BIVM: variants seen among roughly 807,000 people sequenced by gnomAD.
BIVM encodes basic, immunoglobulin-like variable motif containing.
A neutral mutation model predicts 61.4 loss-of-function variants in BIVM; 31 were observed. The observed-to-expected ratio is 0.51, with a 90% CI of 0.38 to 0.68. The LOEUF is 0.68. BIVM is among the 30% of genes least tolerant of loss of function. BIVM has a pLI of 0.00. For missense variants in BIVM, 526 were observed against 596.0 expected (o/e 0.88, Z 1.22); for synonymous variants, 189 against 210.7 (o/e 0.90, Z 0.89).
chr13:102,839,921 G>T lies in BIVM; in HGVS notation c.*56G>T. 6.7e-7 allele frequency: 1 copy of T among 1,500,658 alleles called. No individual in the cohort carries two copies. The highest frequency in any genetic ancestry group is 8.9e-7 in the Non-Finnish European group (1 of 1,123,834). The allele number at this position is 1,500,658 out of a possible 1,614,324, so 93.0% of individuals were successfully genotyped here. A position where few individuals can be genotyped will look rare whatever the true frequency, so the allele number is the denominator to read the frequency against. On this transcript the variant is annotated 3_prime_UTR_variant, in exon 11 of 11. Coordinates refer to ENST00000257336, the MANE Select transcript of BIVM (RefSeq NM_017693.4). ...ATATGAAACTGCTATATACAGGACT[G>T]TATAAAGACAGTAGAAGATTTTAGT...
chr13:102,824,619 T>G (rs1360176665), intron 7 of BIVM, among the ~76,000 whole-genome samples: 2 of 152,214 alleles, frequency 1.3e-5, no homozygotes, highest in Non-Finnish European at 2.9e-5. Context: ...GCTTGGATCT[T>G]GAAGGCAGCC....
At chr13:102,810,702 A>C (rs1879437264) in intron 3 of BIVM, among the ~76,000 whole-genome samples, 1 of 152,182 alleles carries the variant, frequency 6.6e-6, no homozygotes, top group Admixed American at 6.5e-5. Context: ...GGAGTTACAA[A>C]CCAAAGTTAT....
intron 3 of BIVM, among the ~76,000 whole-genome samples, chr13:102,808,499 G>A (rs1171449086): frequency 6.6e-6 from 1 of 151,992 alleles, no homozygotes; most frequent in Non-Finnish European, 1.5e-5. Flanking sequence ...AAACCTTAAT[G>A]CTTCTGCTTG....
At position 102,822,065 on chromosome 13, in the gene BIVM, G is replaced by A; in HGVS notation, c.807G>A (p.Arg269=). The A allele has an allele frequency of 6.2e-7, 1 of 1,613,384 alleles. No individual in the cohort carries two copies. The highest frequency in any genetic ancestry group is 1.1e-5 in the South Asian group (1 of 90,898). ...GAACAAATCTTCTTGTTACTTTCAGGTGGTTTAGACAAATTAATGACCACT... is the reference window on the plus strand; with the variant it reads ...GAACAAATCTTCTTGTTACTTTCAGATGGTTTAGACAAATTAATGACCACT... The part of the protein sequence containing the change: ...GPFTGNTTLM[R]WFRQINDHFH... The change falls in exon 7 of 11, where the codon AGG becomes AGA. Residue 269 remains arginine (R), a splice_region_variant and synonymous_variant. Transcript: ENST00000257336.
At position 102,823,975 on chromosome 13, in the gene BIVM, A is replaced by C. The variant is rs1047699449; in HGVS notation, c.901+1816A>C. Among the ~76,000 whole-genome samples the C allele has an allele frequency of 4.6e-5, 7 of 152,294 alleles. No individual in the cohort carries two copies. In the East Asian group the frequency reaches 5.8e-4, roughly 13 times the overall value. On this transcript the variant is annotated intron_variant, in intron 7 of 10. Coordinates refer to ENST00000257336, the MANE Select transcript of BIVM (RefSeq NM_017693.4). Reference sequence around the variant, plus strand: ...ATTTGAGGTGTCTTCGTGTGCCATGAAAAGAAAATGCATAATTTGGCATTG... The same window carrying C: ...ATTTGAGGTGTCTTCGTGTGCCATGCAAAGAAAATGCATAATTTGGCATTG...
Position 102,839,593 on chromosome 13 carries a change from A to C in BIVM, c.1240A>C (p.Ile414Leu). 1 of 1,614,210 alleles carries C rather than the reference A, an allele frequency of 6.2e-7. No homozygotes were observed. The highest frequency in any genetic ancestry group is 2.2e-5 in the East Asian group (1 of 44,882). The change falls in exon 11 of 11, where the codon ATC becomes CTC. Residue 414 changes from isoleucine to leucine, a missense_variant. Ile to Leu is a conservative substitution (Grantham distance 5). Coordinates refer to ENST00000257336, the MANE Select transcript of BIVM (RefSeq NM_017693.4). ...TKKVGGNLHC[I>L]IAFQRLNWQR... ...TCAGGTTGGGGGAAATTTGCATTGC[A>C]TCATAGCATTCCAGAGACTTAACTG...
chr13:102,832,455 G>T (rs1881156847), intron 8 of BIVM, among the ~76,000 whole-genome samples: 1 of 152,142 alleles, frequency 6.6e-6, no homozygotes, highest in Admixed American at 6.5e-5. Flanking sequence ...TTATTCCTGG[G>T]CCTCCCAAAG....
intron 1 of BIVM, among the ~76,000 whole-genome samples, chr13:102,802,758 T>C (rs1275135750): frequency 6.6e-6 from 1 of 150,856 alleles, no homozygotes; most frequent in East Asian, 1.9e-4. Context: ...TTTTTTTTTT[T>C]TTTTTGAGAC....
chr13:102,824,467 A>G (rs4772502), intron 7 of BIVM, among the ~76,000 whole-genome samples: 1 of 152,246 alleles, frequency 6.6e-6, no homozygotes. Context: ...TTGTATAACC[A>G]CCTGGATGTG....
At chr13:102,838,596 T>G (rs1211221295) in intron 9 of BIVM, 47 bp from the exon 10 acceptor site, 1 of 1,534,024 alleles carries the variant, frequency 6.5e-7, no homozygotes, top group African/African-American at 1.4e-5. Context: ...GCAATGATAC[T>G]TTAGACCTAA....
At chr13:102,817,809 AC>A (rs1879977533) in intron 4 of BIVM, among the ~76,000 whole-genome samples, 1 of 152,132 alleles carries the variant, frequency 6.6e-6, no homozygotes, top group Non-Finnish European at 1.5e-5. Context: ...ATTCATGACA[AC>A]TTTTATGTAT....
At chr13:102,838,810 T>G (rs1023825833) in intron 10 of BIVM, 71 bp downstream of exon 10, 8 of 1,405,724 alleles carry the variant, frequency 5.7e-6, no homozygotes, top group Non-Finnish European at 7.8e-6. Context: ...CTTAGCACTC[T>G]TTAGGTTGCA....
chr13:102,804,870 A>T (rs777281044), intron 1 of BIVM, among the ~76,000 whole-genome samples: 4 of 152,226 alleles, frequency 2.6e-5, no homozygotes, highest in Admixed American at 2.6e-4. Flanking sequence ...CTTAAATTCC[A>T]TGAAAGCCAT....
In BIVM at chr13:102,834,562, C is replaced by T. The variant is rs76812904; in HGVS notation, c.1121+10C>T. The stretch of plus-strand genomic sequence containing the variant: ...CCATTCACTGTAAAAAGTATGTTAA[C>T]TTCCCTTTATTTTCTTTAATTGAGG... On this transcript the variant is annotated intron_variant, in intron 9 of 10. Transcript: ENST00000257336. 61,058 of 1,569,392 alleles carry T rather than the reference C, an allele frequency of 0.039. 1,349 individuals carry two copies. Among genetic ancestry groups the T allele is most frequent in the East Asian group, 0.074 (3,195 of 43,236 alleles).
chr13:102,828,785 T>C (rs1313693405), intron 7 of BIVM, among the ~76,000 whole-genome samples: 1 of 151,840 alleles, frequency 6.6e-6, no homozygotes, highest in Non-Finnish European at 1.5e-5. Flanking sequence ...TCCCAGCAGG[T>C]TGGGAGGCCG....
At chr13:102,837,014 G>A (rs900913179) in intron 9 of BIVM, among the ~76,000 whole-genome samples, 38 of 152,084 alleles carry the variant, frequency 2.5e-4, no homozygotes, top group African/African-American at 7.7e-4. Context: ...TTGGCTGGGC[G>A]CGGTGGCTCA....
At chr13:102,828,752 G>A (rs1207139609) in intron 7 of BIVM, among the ~76,000 whole-genome samples, 8 of 152,120 alleles carry the variant, frequency 5.3e-5, no homozygotes, top group Non-Finnish European at 1.2e-4. Flanking sequence ...AGGGGAAGCT[G>A]GCATAGTGGC....
intron 3 of BIVM, among the ~76,000 whole-genome samples, chr13:102,809,314 A>C (rs1401271604): frequency 6.6e-6 from 1 of 152,214 alleles, no homozygotes; most frequent in African/African-American, 2.4e-5. Flanking sequence ...AGATATTAAT[A>C]GTTTTTCTAA....
intron 4 of BIVM, 106 bp from the exon 5 acceptor site, chr13:102,820,931 C>T: frequency 2.0e-6 from 2 of 1,021,102 alleles, no homozygotes; most frequent in Non-Finnish European, 2.9e-6. Flanking sequence ...CTTAGGGGAT[C>T]AAAGTTTTCA....
Sources: gnomAD v4.1 joint callset for allele counts (sites outside exome capture counted in the v4.1 genomes callset) on GRCh38, gnomAD v4.1.1 for gene constraint, MANE v1.5 for transcripts, NCBI Gene and HGNC (gene_info 2026-07-23, HGNC 2026-07-21) for gene names.